Variants in PTPRD observed in about 807,000 individuals in gnomAD.
The protein encoded by PTPRD is protein tyrosine phosphatase receptor type D, also known as receptor-type tyrosine-protein phosphatase delta.
In PTPRD, 34 loss-of-function variants were observed where a neutral mutation model predicts 214.5. That is an observed-to-expected ratio of 0.16 (90% CI 0.12 to 0.21). The LOEUF (loss-of-function observed/expected upper bound fraction) is 0.21. PTPRD is among the 10% of genes least tolerant of loss of function. The pLI is 1.00. For missense variants in PTPRD, 2,545 were observed against 2,398.7 expected, an observed-to-expected ratio of 1.06 and a Z score of -1.27; for synonymous variants, 1,128 against 845.7, an observed-to-expected ratio of 1.33 and a Z score of -5.79.
chr9:9,915,579 C>A, intron 5 of PTPRD, among the ~76,000 whole-genome samples: 1 of 149,398 alleles, frequency 6.7e-6, no homozygotes, highest in Admixed American at 6.7e-5. Flanking sequence ...CTGAATAATT[C>A]AATTAATTTA....
intron 2 of PTPRD, among the ~76,000 whole-genome samples, chr9:10,599,021 C>T (rs1026968769): frequency 6.6e-6 from 1 of 151,584 alleles, no homozygotes; most frequent in African/African-American, 2.4e-5. Context: ...CTACATTTCC[C>T]AGCTTCACGT....
chr9:10,562,140 T>A (rs898146586), intron 2 of PTPRD, among the ~76,000 whole-genome samples: 12 of 152,140 alleles, frequency 7.9e-5, no homozygotes, highest in African/African-American at 2.9e-4. Flanking sequence ...TCATCCTATA[T>A]GTGAGACATC....
chr9:10,471,143 T>C (rs1039773795), intron 2 of PTPRD, among the ~76,000 whole-genome samples: 2 of 115,566 alleles, frequency 1.7e-5, no homozygotes, highest in Non-Finnish European at 3.6e-5. Flanking sequence ...CAGGGCCTGT[T>C]GTGGGTTGGG....
chr9:8,366,710 G>C (rs1191144083), intron 39 of PTPRD, among the ~76,000 whole-genome samples: 2 of 152,236 alleles, frequency 1.3e-5, no homozygotes, highest in Non-Finnish European at 2.9e-5. Flanking sequence ...ATGAGAAAGG[G>C]ACAGTCACTA....
At chr9:9,118,422 C>T (rs1298780798) in intron 10 of PTPRD, among the ~76,000 whole-genome samples, 2 of 152,134 alleles carry the variant, frequency 1.3e-5, no homozygotes, top group Non-Finnish European at 2.9e-5. Context: ...CCCAATTTCA[C>T]ACTACATGCA....
intron 9 of PTPRD, among the ~76,000 whole-genome samples, chr9:9,293,574 A>G (rs1951946598): frequency 6.6e-6 from 1 of 151,508 alleles, no homozygotes; most frequent in Non-Finnish European, 1.5e-5. Context: ...GTTCATTGCT[A>G]CTGGTGGTTG....
intron 11 of PTPRD, among the ~76,000 whole-genome samples, chr9:8,972,440 A>G (rs1019768713): frequency 1.3e-5 from 2 of 151,878 alleles, no homozygotes. Context: ...TCAAACATAC[A>G]TACTAATTGT....
At chr9:10,505,999 T>A (rs1274975857) in intron 2 of PTPRD, among the ~76,000 whole-genome samples, 2 of 152,154 alleles carry the variant, frequency 1.3e-5, no homozygotes, top group Non-Finnish European at 2.9e-5. Context: ...ATCATTTTAC[T>A]CACATTTCTC....
At chr9:9,015,912 G>T (rs771050272) in intron 11 of PTPRD, among the ~76,000 whole-genome samples, 4 of 152,032 alleles carry the variant, frequency 2.6e-5, no homozygotes, top group Non-Finnish European at 2.9e-5. Flanking sequence ...TGTTATGGAG[G>T]TGAGGAATGC....
At chr9:10,486,876 G>T (rs2099136221) in intron 2 of PTPRD, among the ~76,000 whole-genome samples, 1 of 152,210 alleles carries the variant, frequency 6.6e-6, no homozygotes. Context: ...CTTTCTAGAA[G>T]ATCTGTCCCA....
intron 11 of PTPRD, among the ~76,000 whole-genome samples, chr9:8,992,127 A>C (rs368626769): frequency 6.6e-5 from 10 of 152,118 alleles, no homozygotes; most frequent in African/African-American, 2.4e-4. Context: ...GTCTGATGAT[A>C]CTATTATGAC....
At chr9:10,221,874 C>T (rs2154349614) in intron 3 of PTPRD, among the ~76,000 whole-genome samples, 1 of 151,836 alleles carries the variant, frequency 6.6e-6, no homozygotes, top group East Asian at 1.9e-4. Flanking sequence ...ACCATAAATG[C>T]TTTGTATTAT....
chr9:8,420,387 TTTTA>T (rs976463850), intron 35 of PTPRD, among the ~76,000 whole-genome samples: 4 of 152,242 alleles, frequency 2.6e-5, no homozygotes, highest in Non-Finnish European at 1.5e-5. Flanking sequence ...AAATTTTTAT[TTTTA>T]TTTATTTTTA....
intron 2 of PTPRD, among the ~76,000 whole-genome samples, chr9:10,471,071 C>G (rs1408617916): frequency 2.0e-5 from 3 of 152,048 alleles, no homozygotes. Context: ...CACACGTTCT[C>G]ACTTATAAGC....
intron 11 of PTPRD, among the ~76,000 whole-genome samples, chr9:8,959,193 A>G (rs1273752271): frequency 6.6e-6 from 1 of 151,428 alleles, no homozygotes; most frequent in Non-Finnish European, 1.5e-5. Context: ...CATGTGTAAG[A>G]CACAGTGAAA....
chr9:9,358,769 C>A (rs1306843748), intron 9 of PTPRD, among the ~76,000 whole-genome samples: 2 of 151,298 alleles, frequency 1.3e-5, no homozygotes, highest in Admixed American at 6.6e-5. Flanking sequence ...TGTGATTAAT[C>A]CAACACCTTT....
Position 8,948,469 on chromosome 9 carries a change from A to ATATATATATT in PTPRD, c.-104+70227_-104+70228insAATATATATA, listed in dbSNP as rs2099081602. Among the ~76,000 whole-genome samples, 4 of 7,044 alleles carry ATATATATATT rather than the reference A, an allele frequency of 5.7e-4. 1 individual carries two copies. Among genetic ancestry groups the ATATATATATT allele is most frequent in the Non-Finnish European group, 1.1e-3 (4 of 3,656 alleles). The allele number at this position is 7,044 out of a possible 152,430, so 4.6% of individuals were successfully genotyped here. On this transcript the variant is annotated intron_variant, in intron 11 of 45. Coordinates refer to ENST00000381196, the MANE Select transcript of PTPRD (RefSeq NM_002839.4). The stretch of plus-strand genomic sequence containing the variant: ...TATATATATTTATATATATATTTAC[A>ATATATATATT]TATATATATATTTATATATATATTT...
intron 34 of PTPRD, among the ~76,000 whole-genome samples, chr9:8,448,496 G>C (rs982538742): frequency 2.0e-5 from 3 of 152,172 alleles, no homozygotes; most frequent in Non-Finnish European, 4.4e-5. Context: ...GACTCAACAA[G>C]ATGCATCCAG....
intron 2 of PTPRD, among the ~76,000 whole-genome samples, chr9:10,382,755 T>A (rs113335670): frequency 4.2e-4 from 64 of 151,994 alleles, no homozygotes; most frequent in African/African-American, 1.3e-3. Flanking sequence ...ATCCACTAAT[T>A]TGCATGAGTA....
Sources: allele counts gnomAD v4.1 joint callset (sites outside exome capture counted in the v4.1 genomes callset), GRCh38; gene constraint gnomAD v4.1.1; transcripts MANE v1.5; gene names NCBI Gene and HGNC (gene_info 2026-07-23, HGNC 2026-07-21).